Variants in ARHGAP18 observed in about 807,000 individuals in gnomAD.
The protein encoded by ARHGAP18 is rho GTPase-activating protein 18.
In ARHGAP18, 67 loss-of-function variants were observed where a neutral mutation model predicts 86.2. The ratio of observed to expected loss-of-function variants is 0.78; its 90% CI spans 0.64 to 0.95. The LOEUF is 0.95. Ranked by LOEUF, ARHGAP18 falls within the 40% of genes least tolerant of loss-of-function variation. The probability of loss-of-function intolerance (pLI) is 0.00; values close to 1 mark genes in which losing one functional copy is unlikely to be tolerated. For missense variants in ARHGAP18, 691 were observed against 780.4 expected (o/e 0.89, Z 1.37); for synonymous variants, 283 against 280.4 (o/e 1.01, Z -0.09).
chr6:129,660,046 A>T (rs919299233), intron 1 of ARHGAP18, among the ~76,000 whole-genome samples: 6 of 152,160 alleles, frequency 3.9e-5, no homozygotes, highest in Non-Finnish European at 5.9e-5. Context: ...TCAGGGAGGT[A>T]CAACCCCCTG....
chr6:129,582,315 T>G (rs1178339623), intron 13 of ARHGAP18, among the ~76,000 whole-genome samples: 1 of 152,130 alleles, frequency 6.6e-6, no homozygotes, highest in East Asian at 1.9e-4. Context: ...AAAGTCACAG[T>G]TGAATGTGGG....
intron 1 of ARHGAP18, among the ~76,000 whole-genome samples, chr6:129,704,286 T>A (rs80212291): frequency 0.24 from 36,827 of 151,574 alleles, 5,272 homozygotes; most frequent in African/African-American, 0.4. Flanking sequence ...CTTCACTAAA[T>A]ATACAAAAAT....
At chr6:129,631,636 A>C (rs1773213499) in intron 4 of ARHGAP18, among the ~76,000 whole-genome samples, 1 of 152,158 alleles carries the variant, frequency 6.6e-6, no homozygotes. Flanking sequence ...TTTTAAGTGC[A>C]CAATAGCACT....
chr6:129,642,244 T>C (rs1179178221), intron 1 of ARHGAP18, among the ~76,000 whole-genome samples: 1 of 152,214 alleles, frequency 6.6e-6, no homozygotes. Flanking sequence ...AATAGCAACA[T>C]GGTAAATTAT....
At chr6:129,606,352 G>C (rs1040922356) in intron 9 of ARHGAP18, among the ~76,000 whole-genome samples, 2 of 152,164 alleles carry the variant, frequency 1.3e-5, no homozygotes, top group Admixed American at 1.3e-4. Flanking sequence ...TTTTAATGGC[G>C]AGTGAACAAA....
intron 12 of ARHGAP18, among the ~76,000 whole-genome samples, chr6:129,591,906 T>G (rs566031203): frequency 6.6e-6 from 1 of 152,322 alleles, no homozygotes; most frequent in South Asian, 2.1e-4. Flanking sequence ...TAGTCTGAAC[T>G]GACAATACTG....
chr6:129,582,993 G>A (rs1199618932), intron 13 of ARHGAP18, among the ~76,000 whole-genome samples: 1 of 152,144 alleles, frequency 6.6e-6, no homozygotes, highest in African/African-American at 2.4e-5. Context: ...AACCCTATGG[G>A]AAGGTACTTT....
chr6:129,624,736 G>T (rs185054409), intron 5 of ARHGAP18, among the ~76,000 whole-genome samples: 1 of 151,476 alleles, frequency 6.6e-6, no homozygotes, highest in East Asian at 1.9e-4. Flanking sequence ...CCTGAGGAGA[G>T]GAGTTCAAGA....
chr6:129,635,050 C>G (rs1773304763), intron 3 of ARHGAP18, among the ~76,000 whole-genome samples: 1 of 152,176 alleles, frequency 6.6e-6, no homozygotes, highest in South Asian at 2.1e-4. Context: ...TAAACCATGG[C>G]CGACTCTGCT....
chr6:129,599,624 T>C (rs1040957388), intron 11 of ARHGAP18, among the ~76,000 whole-genome samples: 3 of 152,236 alleles, frequency 2.0e-5, no homozygotes, highest in East Asian at 3.9e-4. Flanking sequence ...TTCAAGGACA[T>C]AGTGGCCGTT....
rs1788982085 is a variant in ARHGAP18 at position 129,611,607 on chromosome 6, T to C, written c.1048A>G (p.Ile350Val). ...AAACCTCTCTCTTCAATTCGAGAAA[T>C]CAGCTGTGCATAAACAGAGAAACAT... ...MRIPLIFQKL[I>V]SRIEERGLET... The change falls in exon 8 of 15, where the codon ATT (isoleucine) becomes GTT (valine). Residue 350 changes from isoleucine (I) to valine (V), a missense_variant. Physicochemically the swap from Ile to Val is conservative, Grantham distance 29. Coordinates refer to ENST00000368149, the MANE Select transcript of ARHGAP18 (RefSeq NM_033515.3). 2 of 1,613,258 alleles carry C rather than the reference T, an allele frequency of 1.2e-6. No homozygotes were observed. The highest frequency in any genetic ancestry group is 1.3e-5 in the African/African-American group (1 of 74,900).
chr6:129,627,377 A>G (rs1361972550), intron 5 of ARHGAP18, among the ~76,000 whole-genome samples: 1 of 140,004 alleles, frequency 7.1e-6, no homozygotes, highest in African/African-American at 2.6e-5. Flanking sequence ...CAGCTGCTAC[A>G]TTGACAAAAA....
chr6:129,671,280 GTTTA>G (rs1774136698), intron 1 of ARHGAP18, among the ~76,000 whole-genome samples: 1 of 152,130 alleles, frequency 6.6e-6, no homozygotes, highest in Non-Finnish European at 1.5e-5. Context: ...GTGGTCAACT[GTTTA>G]TTATATTTAC....
intron 1 of ARHGAP18, among the ~76,000 whole-genome samples, chr6:129,654,207 G>T (rs751027345): frequency 6.6e-6 from 1 of 152,228 alleles, no homozygotes; most frequent in Non-Finnish European, 1.5e-5. Context: ...CCTGAAAAAG[G>T]TGAGGGGAGG....
intron 14 of ARHGAP18, 50 bp from the exon 15 acceptor site, chr6:129,578,654 G>C: frequency 6.9e-7 from 1 of 1,446,382 alleles, no homozygotes; most frequent in Non-Finnish European, 9.6e-7. Flanking sequence ...AGATTGGTAT[G>C]CAATTTTAAA....
chr6:129,618,845 C>A lies in ARHGAP18; in HGVS notation c.794G>T (p.Arg265Ile), dbSNP rs746764292. The A allele has an allele frequency of 6.2e-7, 1 of 1,611,648 alleles. No individual in the cohort carries two copies. The highest frequency in any genetic ancestry group is 1.7e-4 in the Middle Eastern group (1 of 6,046). The change falls in exon 6 of 15, where the codon AGA becomes ATA. Residue 265 changes from arginine to isoleucine, a missense_variant. Transcript: ENST00000368149. ...KGDDATLPSFRLPKDKTGTTR... is the reference protein window; with the variant it reads ...KGDDATLPSFILPKDKTGTTR... ...GGTACCCGTTTTGTCTTTTGGCAAT[C>A]TGAAACTCTAAAATAAACATCATTA...
At chr6:129,664,086 T>G (rs905546662) in intron 1 of ARHGAP18, among the ~76,000 whole-genome samples, 13 of 152,230 alleles carry the variant, frequency 8.5e-5, no homozygotes, top group Admixed American at 1.3e-4. Context: ...CTATGCTATC[T>G]ATGGGTCCCT....
rs762625490 is a variant in ARHGAP18, at chr6:129,710,087, G to A, written c.50C>T (p.Pro17Leu). The A allele has an allele frequency of 1.8e-5, 29 of 1,613,988 alleles. No homozygotes were observed. The highest frequency in any genetic ancestry group is 2.4e-5 in the Non-Finnish European group (28 of 1,179,988). The change falls in exon 1 of 15, where the codon CCC becomes CTC. Residue 17 changes from proline (P) to leucine (L), a missense_variant. Pro to Leu is a moderately conservative substitution (Grantham distance 98). Coordinates refer to ENST00000368149, the MANE Select transcript of ARHGAP18 (RefSeq NM_033515.3). ...CCCGACGGTCTGGTCCTTGCCGCTGGGGTGGTAGGCTGTTAGTACCACTCC... is the reference window on the plus strand; with the variant it reads ...CCCGACGGTCTGGTCCTTGCCGCTGAGGTGGTAGGCTGTTAGTACCACTCC... ...SQGVVLTAYHPSGKDQTVGNS... is the reference protein window; with the variant it reads ...SQGVVLTAYHLSGKDQTVGNS...
chr6:129,707,188 G>A (rs1287018178), intron 1 of ARHGAP18, among the ~76,000 whole-genome samples: 1 of 151,650 alleles, frequency 6.6e-6, no homozygotes, highest in Admixed American at 6.6e-5. Flanking sequence ...AGCCAAGAGT[G>A]CGCCATTGTG....
Sources: allele counts gnomAD v4.1 joint callset (sites outside exome capture counted in the v4.1 genomes callset), GRCh38; gene constraint gnomAD v4.1.1; transcripts MANE v1.5; gene names NCBI Gene and HGNC (gene_info 2026-07-23, HGNC 2026-07-21).